SMARCA1: variants seen among roughly 807,000 people sequenced by gnomAD.
SMARCA1 encodes SWI/SNF-related matrix-associated actin-dependent regulator of chromatin subfamily A member 1.
Under a neutral mutation model 93.6 loss-of-function variants are expected in SMARCA1, and 17 were observed. The observed-to-expected ratio is 0.18, with a 90% CI of 0.12 to 0.27. SMARCA1 has a LOEUF of 0.27. Among genes scored for constraint, SMARCA1 ranks in the 10% least tolerant of loss-of-function variants. SMARCA1 has a pLI of 1.00. For missense variants in SMARCA1, 630 were observed against 819.0 expected (o/e 0.77, Z 2.82); for synonymous variants, 271 against 271.4 (o/e 1.00, Z 0.01).
At chrX:129,509,064 G>A (rs1934928217) in intron 6 of SMARCA1, among the ~76,000 whole-genome samples, 1 of 110,109 alleles carries the variant, frequency 9.1e-6, no homozygotes, top group Non-Finnish European at 1.9e-5. Flanking sequence ...GCTCACACCT[G>A]TAATCCCAGC....
chrX:129,496,652 C>A, intron 12 of SMARCA1, 98 bp downstream of exon 12: 1 of 752,831 alleles, frequency 1.3e-6, no homozygotes. Context: ...ATGCACCCAC[C>A]TAAAGAAAAG....
intron 17 of SMARCA1, among the ~76,000 whole-genome samples, chrX:129,485,823 C>A (rs769196629): frequency 1.1e-3 from 126 of 111,558 alleles, no homozygotes; most frequent in African/African-American, 3.9e-3. Flanking sequence ...CTGTCTCTGC[C>A]ATGTGGTCTC....
At chrX:129,479,618 A>G (rs1017442566) in intron 19 of SMARCA1, among the ~76,000 whole-genome samples, 1 of 111,068 alleles carries the variant, frequency 9.0e-6, no homozygotes, top group Non-Finnish European at 1.9e-5. Context: ...GTTAATTCAT[A>G]AAACAGAACA....
chrX:129,523,300 A>C lies in SMARCA1; in HGVS notation c.71T>G (p.Ile24Arg). 1 of 1,207,389 alleles carries C rather than the reference A, an allele frequency of 8.3e-7. No individual in the cohort carries two copies. The highest frequency in any genetic ancestry group is 1.7e-5 in the African/African-American group (1 of 57,610). ...GGACGGCCCGGGCTGCTCGTCCTCT[A>C]TGACCACGATAGTGGCGGTCGCATC... is the stretch of plus-strand genomic sequence containing the variant. ...AADATATIVV[I>R]EDEQPGPSTS... The change falls in exon 1 of 25, where the codon ATA (isoleucine) becomes AGA (arginine). Residue 24 changes from isoleucine to arginine, a missense_variant. Around this residue, in one of 4 missense-constraint regions of SMARCA1, gnomAD observed 103 missense variants for 82.0 expected, o/e 1.26. Transcript: ENST00000371121.
intron 23 of SMARCA1, among the ~76,000 whole-genome samples, chrX:129,458,318 G>C (rs1365471940): frequency 8.9e-6 from 1 of 112,161 alleles, no homozygotes; most frequent in Non-Finnish European, 1.9e-5. Context: ...AAACAGGTGG[G>C]GGGCCACAGT....
chrX:129,512,018 C>T (rs1935035500), intron 5 of SMARCA1, 35 bp from the exon 6 acceptor site: 4 of 1,060,363 alleles, frequency 3.8e-6, no homozygotes, highest in Non-Finnish European at 5.1e-6. Context: ...AATCCATGAA[C>T]ATTTTTTCTG....
chrX:129,500,324 C>T (rs185358272), intron 9 of SMARCA1, among the ~76,000 whole-genome samples: 479 of 111,770 alleles, frequency 4.3e-3, no homozygotes, highest in Non-Finnish European at 6.8e-3. Flanking sequence ...TGCACCACCA[C>T]GCCTGGCTCA....
intron 6 of SMARCA1, among the ~76,000 whole-genome samples, chrX:129,508,356 C>T (rs1159949653): frequency 1.8e-5 from 2 of 111,769 alleles, no homozygotes; most frequent in Non-Finnish European, 3.8e-5. Context: ...TATTCAATGA[C>T]CTAGAAAAGT....
At chrX:129,504,587 A>AAAAAAG in intron 9 of SMARCA1, 147 bp downstream of exon 9, 1 of 220,639 alleles carries the variant, frequency 4.5e-6, no homozygotes. Context: ...AAAAACAAAG[A>AAAAAAG]GGCTGTCAGA....
chrX:129,460,786 G>A (rs1932794247), intron 23 of SMARCA1, among the ~76,000 whole-genome samples: 1 of 111,664 alleles, frequency 9.0e-6, no homozygotes, highest in Admixed American at 9.6e-5. Flanking sequence ...TAAAGTATCT[G>A]TAAAGAAAAT....
In SMARCA1 at chrX:129,523,343, C is replaced by A; in HGVS notation, c.28G>T (p.Ala10Ser). 1.7e-6 allele frequency: 2 copies of A among 1,196,565 alleles called. No individual in the cohort carries two copies. Among genetic ancestry groups the A allele is most frequent in the Non-Finnish European group, 2.2e-6 (2 of 890,405 alleles). The change falls in exon 1 of 25, where the codon GCC (alanine) becomes TCC (serine). Residue 10 changes from alanine (A) to serine (S), a missense_variant. Physicochemically the swap from Ala to Ser is moderately conservative, Grantham distance 99. This residue lies in a region of SMARCA1 where 103 missense variants were observed against 82.0 expected (regional missense o/e 1.26). Transcript: ENST00000371121. ...GTCGCATCCGCGGCTGCCACGGTGG[C>A]TGCCACTGCGGCAGTGTCCTGCTCC... Reference protein sequence around the residue: MEQDTAAVAATVAAADATAT... With the variant: MEQDTAAVASTVAAADATAT...
chrX:129,515,979 G>A lies in SMARCA1; in HGVS notation c.444C>T (p.Arg148=). 1 of 1,198,742 alleles carries A rather than the reference G, an allele frequency of 8.3e-7. No homozygotes were observed. The highest frequency in any genetic ancestry group is 1.1e-6 in the Non-Finnish European group (1 of 885,782). Residue 148 remains arginine (R), a synonymous_variant, in exon 4 of 25, where the codon CGC becomes CGT. Coordinates refer to ENST00000371121, the MANE Select transcript of SMARCA1 (RefSeq NM_001282874.2). ...GCTCTTCATCTTCTTCTTGCTCTGT[G>A]CGCCTATGGCGGTAGCTGAAATTAA... ...LISAGDYRHR[R]TEQEEDEELL...
chrX:129,471,259 C>T lies in SMARCA1; in HGVS notation c.2510G>A (p.Gly837Glu), dbSNP rs34182579. The change falls in exon 20 of 25, where the codon GGA becomes GAA. Residue 837 changes from glycine (G) to glutamate (E), a missense_variant. Physicochemically the swap from Gly to Glu is moderately conservative, Grantham distance 98 (BLOSUM62 -2). This residue lies in a region of SMARCA1 where 52 missense variants were observed against 38.3 expected (regional missense o/e 1.36). Coordinates refer to ENST00000371121, the MANE Select transcript of SMARCA1 (RefSeq NM_001282874.2). ...CTCTTCTGGTGTAAGAGGTTCAGCT[C>T]CATCAATCTTTTTTTGCTCTTCTCT... ...AQREEQKKID[G>E]AEPLTPEETE... 5 of 1,198,717 alleles carry T rather than the reference C, an allele frequency of 4.2e-6. No individual in the cohort carries two copies. In the East Asian group the frequency reaches 1.2e-4, roughly 28 times the overall value.
Position 129,480,808 on chromosome X carries a change from G to A in SMARCA1, c.2335C>T (p.Arg779Trp), listed in dbSNP as rs1300753039. The change falls in exon 19 of 25, where the codon CGG (arginine) becomes TGG (tryptophan). Residue 779 changes from arginine to tryptophan, a missense_variant. Around this residue, in one of 4 missense-constraint regions of SMARCA1, gnomAD observed 382 missense variants for 537.9 expected, o/e 0.71. Coordinates refer to ENST00000371121, the MANE Select transcript of SMARCA1 (RefSeq NM_001282874.2). ...VSEPKIPKAP[R>W]PPKQPNVQDF... ...TGAACATTTGGCTGTTTTGGAGGCC[G>A]TGGAGCCTATGAGGGAGGAAAATGT... 8.8e-7 allele frequency: 1 copy of A among 1,135,872 alleles called. No individual in the cohort carries two copies. Among genetic ancestry groups the A allele is most frequent in the Non-Finnish European group, 1.2e-6 (1 of 849,896 alleles). 93.6% of individuals were successfully genotyped at this position (1,135,872 alleles called of 1,213,427 possible).
intron 1 of SMARCA1, among the ~76,000 whole-genome samples, chrX:129,518,922 C>T (rs964430844): frequency 5.4e-5 from 6 of 111,147 alleles, no homozygotes; most frequent in Non-Finnish European, 1.1e-4. Flanking sequence ...GTTCCTAAAA[C>T]GATATTTTTA....
At chrX:129,483,192 G>A (rs1301952335) in intron 17 of SMARCA1, among the ~76,000 whole-genome samples, 1 of 111,998 alleles carries the variant, frequency 8.9e-6, no homozygotes, top group Admixed American at 9.5e-5. Flanking sequence ...ATATACACAT[G>A]AATAAAATAA....
chrX:129,490,921 T>C (rs1372321729), intron 14 of SMARCA1, among the ~76,000 whole-genome samples: 2 of 111,816 alleles, frequency 1.8e-5, no homozygotes, highest in Non-Finnish European at 3.8e-5. Flanking sequence ...ATATTTACAT[T>C]AAACCTGAAC....
rs748185096 is a variant in SMARCA1 at position 129,458,400 on chromosome X, C to CT, written c.3030+7119dup. ...AATTGTGTTGCCTTGGTTCTCCATA[C>CT]TTTTTTAATGGTTTATGATTCTATT... is the stretch of plus-strand genomic sequence containing the variant. On this transcript the variant is annotated intron_variant, in intron 23 of 24. Transcript: ENST00000371121. 1.2e-4 allele frequency among the ~76,000 whole-genome samples: 14 copies of CT among 112,246 alleles called. No homozygotes were observed. The East Asian group carries it at 2.2e-3, about 18-fold the overall frequency.
chrX:129,459,854 C>G (rs146033977), intron 23 of SMARCA1, among the ~76,000 whole-genome samples: 1,361 of 111,815 alleles, frequency 0.012, 23 homozygotes, highest in African/African-American at 0.043. Context: ...TTAAATACAA[C>G]TATTAATAAT....
Sources: gnomAD v4.1 joint callset for allele counts (sites outside exome capture counted in the v4.1 genomes callset) on GRCh38, gnomAD v4.1.1 for gene constraint, gnomAD v4.1.1 regional missense constraint, MANE v1.5 for transcripts, NCBI Gene and HGNC (gene_info 2026-07-23, HGNC 2026-07-21) for gene names.